KPTN: variants seen among roughly 807,000 people sequenced by gnomAD.
KPTN encodes the protein KICSTOR complex protein kaptin.
Under a neutral mutation model 52.6 loss-of-function variants are expected in KPTN, and 36 were observed. The observed-to-expected ratio is 0.68, with a 90% CI of 0.52 to 0.90. The LOEUF is 0.90. Ranked by LOEUF, KPTN falls within the 40% of genes least tolerant of loss-of-function variation. KPTN has a pLI of 0.00. For synonymous variants in KPTN, 271 were observed against 248.4 expected (o/e 1.09, Z -0.85); for missense variants, 529 against 576.2 (o/e 0.92, Z 0.84).
chr19:47,481,259 T>C (rs1967871125), intron 4 of KPTN, among the ~76,000 whole-genome samples: 1 of 152,178 alleles, frequency 6.6e-6, no homozygotes, highest in Non-Finnish European at 1.5e-5. Flanking sequence ...TCAAGGAATG[T>C]ACCTCCCAAT....
At chr19:47,481,419 A>G (rs1967875491) in intron 4 of KPTN, among the ~76,000 whole-genome samples, 1 of 152,164 alleles carries the variant, frequency 6.6e-6, no homozygotes, top group Non-Finnish European at 1.5e-5. Flanking sequence ...TCATTCTGAA[A>G]CCCTGGTATT....
rs760676917 is a variant in KPTN at position 47,480,332 on chromosome 19, A to AT, written c.674dup (p.Tyr225Ter). 1 of 1,537,422 alleles carries AT rather than the reference A, an allele frequency of 6.5e-7. No homozygotes were observed. Among genetic ancestry groups the AT allele is most frequent in the South Asian group, 1.2e-5 (1 of 83,652 alleles). ...GCTGGTCCACGTGGGCGACACGGAC[A>AT]TAACCACTCTGACAGCCCAGAGCTG... ...RLSALGCQSG[Y>*]VRVAHVDQRS... Residue 225 changes from tyrosine (Y) to a stop codon, truncating the protein, a stop_gained and frameshift_variant, in exon 7 of 12, where the codon TAT becomes TAAT. Coordinates refer to ENST00000338134, the MANE Select transcript of KPTN (RefSeq NM_007059.4). LOFTEE classifies it high-confidence loss of function.
intron 4 of KPTN, among the ~76,000 whole-genome samples, chr19:47,482,346 G>A (rs891575700): frequency 1.1e-4 from 16 of 151,994 alleles, no homozygotes; most frequent in Non-Finnish European, 1.9e-4. Flanking sequence ...AAAATTAGCC[G>A]GGCATGGTGG....
At position 47,481,031 on chromosome 19, in the gene KPTN, A is replaced by G. The variant is rs201572880; in HGVS notation, c.452T>C (p.Val151Ala). Residue 151 changes from valine to alanine, a missense_variant and splice_region_variant, in exon 5 of 12, where the codon GTC becomes GCC. Coordinates refer to ENST00000338134, the MANE Select transcript of KPTN (RefSeq NM_007059.4). ...FTPFQLCHAEVQVGDQLETVF... is the reference protein window; with the variant it reads ...FTPFQLCHAEAQVGDQLETVF... ...AGTCTCAAGTTGATCCCCGACCTGG[A>G]CCCTGAAAGCAGAGAAATCTAGAAC... 489 of 1,577,860 alleles carry G rather than the reference A, an allele frequency of 3.1e-4. 4 individuals are homozygous for G. Among genetic ancestry groups the G allele is most frequent in the Non-Finnish European group, 6.0e-5 (70 of 1,160,312 alleles).
At chr19:47,477,848 T>A in intron 8 of KPTN, 67 bp from the exon 9 acceptor site, 1 of 1,146,048 alleles carries the variant, frequency 8.7e-7, no homozygotes, top group Non-Finnish European at 1.3e-6. Flanking sequence ...TCAGCTGAGG[T>A]CAGGAGTTCG....
chr19:47,482,252 G>A (rs1335881102), intron 4 of KPTN, among the ~76,000 whole-genome samples: 2 of 152,204 alleles, frequency 1.3e-5, no homozygotes, highest in African/African-American at 4.8e-5. Flanking sequence ...ACTTTGGGAG[G>A]CCAAGGCGGG....
At chr19:47,476,007 C>CAAAAAAAAA (rs113284887) in intron 11 of KPTN, 1 of 83,110 alleles carries the variant, frequency 1.2e-5, no homozygotes. Context: ...ACAAAAAAAC[C>CAAAAAAAAA]AAAAAAAAAA....
chr19:47,476,269 A>C, intron 11 of KPTN: 1 of 255,526 alleles, frequency 3.9e-6, no homozygotes, highest in Non-Finnish European at 7.1e-6. Flanking sequence ...AGATCGAGTC[A>C]CTGCGCTAGA....
chr19:47,480,437 C>T lies in KPTN; in HGVS notation c.600-30G>A, dbSNP rs1418876299. ...CGGGCGGGTGGATGGACAGGACGGA[C>T]GGCCATTGCTGGGCCCAGCCCCGCC... On this transcript the variant is annotated intron_variant, in intron 6 of 11. Transcript: ENST00000338134. 4 of 1,481,412 alleles carry T rather than the reference C, an allele frequency of 2.7e-6. No individual in the cohort carries two copies. In the African/African-American group the frequency reaches 4.2e-5, roughly 15 times the overall value. 91.8% of individuals were successfully genotyped at this position (1,481,412 alleles called of 1,614,324 possible).
At chr19:47,480,667 T>A in intron 6 of KPTN, 93 bp downstream of exon 6, 1 of 1,184,798 alleles carries the variant, frequency 8.4e-7, no homozygotes, top group Admixed American at 1.7e-5. Flanking sequence ...TCTGAGCTCC[T>A]CCCCGGTGAC....
chr19:47,483,255 C>T (rs753441183), intron 3 of KPTN, 40 bp from the exon 4 acceptor site: 1 of 1,613,274 alleles, frequency 6.2e-7, no homozygotes, highest in African/African-American at 1.3e-5. Flanking sequence ...GGGGGACCTG[C>T]TGGGGACTCT....
intron 4 of KPTN, among the ~76,000 whole-genome samples, chr19:47,482,407 T>C (rs893356785): frequency 6.8e-6 from 1 of 146,590 alleles, no homozygotes; most frequent in Non-Finnish European, 1.5e-5. Flanking sequence ...TAGAATCACT[T>C]GAACCAGGGA....
In KPTN at chr19:47,476,737, C is replaced by T. The variant is rs760662478; in HGVS notation, c.1000-23G>A. ...TTCCTGCGGGGGTGAAGAATCAGGT[C>T]ACACAGGTTGATGGGGGGACAGTGG... On this transcript the variant is annotated intron_variant, in intron 10 of 11. Coordinates refer to ENST00000338134, the MANE Select transcript of KPTN (RefSeq NM_007059.4). The T allele has an allele frequency of 3.7e-6, 6 of 1,607,636 alleles. No homozygotes were observed. The Admixed American group carries it at 1.0e-4, about 27-fold the overall frequency.
chr19:47,477,302 C>A (rs957917364), intron 9 of KPTN, among the ~76,000 whole-genome samples: 1 of 152,212 alleles, frequency 6.6e-6, no homozygotes, highest in African/African-American at 2.4e-5. Flanking sequence ...GGTGCCAGAG[C>A]TGGCTATAGT....
At chr19:47,481,153 T>C in intron 4 of KPTN, 120 bp from the exon 5 acceptor site, 1 of 763,302 alleles carries the variant, frequency 1.3e-6, no homozygotes, top group South Asian at 1.5e-5. Flanking sequence ...ATCCAGACAC[T>C]AGACCCAGGG....
In KPTN at chr19:47,484,211, C is replaced by T; in HGVS notation, c.-51G>A. 3 of 1,552,752 alleles carry T rather than the reference C, an allele frequency of 1.9e-6. No homozygotes were observed. The highest frequency in any genetic ancestry group is 2.6e-6 in the Non-Finnish European group (3 of 1,154,460). On this transcript the variant is annotated 5_prime_UTR_variant, in exon 1 of 12. Coordinates refer to ENST00000338134, the MANE Select transcript of KPTN (RefSeq NM_007059.4). ...CAGCCCCCGCCCCAACCCGCACTAC[C>T]CAACCTACGACTCTCTAAGCGACCT...
intron 3 of KPTN, 36 bp from the exon 4 acceptor site, chr19:47,483,251 C>CCTGCTGGGGACTCT: frequency 6.2e-7 from 1 of 1,613,596 alleles, no homozygotes; most frequent in Non-Finnish European, 8.5e-7. Flanking sequence ...GCATGGGGGA[C>CCTGCTGGGGACTCT]CTGCTGGGGA....
Position 47,477,746 on chromosome 19 carries a change from C to T in KPTN, c.823G>A (p.Val275Met), listed in dbSNP as rs373073023. Residue 275 changes from valine (V) to methionine (M), a missense_variant, in exon 9 of 12, where the codon GTG becomes ATG. Val to Met is a conservative substitution (Grantham distance 21). Coordinates refer to ENST00000338134, the MANE Select transcript of KPTN (RefSeq NM_007059.4). ...KDRPLQDEYS[V>M]LVASMLEPAV... The stretch of plus-strand genomic sequence containing the variant: ...GGCTCCAACATGCTGGCCACGAGCA[C>T]GCTGTACTCATCTTGTAGTGGCCTG... 117 of 1,613,656 alleles carry T rather than the reference C, an allele frequency of 7.3e-5. No homozygotes were observed. The highest frequency in any genetic ancestry group is 1.6e-4 in the Middle Eastern group (1 of 6,082).
chr19:47,480,342 T>TG lies in KPTN; in HGVS notation c.664dup (p.Gln222ProfsTer51). On this transcript the variant is annotated frameshift_variant, in exon 7 of 12. Coordinates refer to ENST00000338134, the MANE Select transcript of KPTN (RefSeq NM_007059.4). LOFTEE classifies it high-confidence loss of function. ...GTGGGCGACACGGACATAACCACTC[T>TG]GACAGCCCAGAGCTGAGAGGCGCCG... The TG allele has an allele frequency of 6.5e-7, 1 of 1,530,432 alleles. No homozygotes were observed. 94.8% of individuals were successfully genotyped at this position (1,530,432 alleles called of 1,614,324 possible). A position where few individuals can be genotyped will look rare whatever the true frequency, so the allele number is the denominator to read the frequency against.
Sources: allele counts gnomAD v4.1 joint callset (sites outside exome capture counted in the v4.1 genomes callset), GRCh38; gene constraint gnomAD v4.1.1; transcripts MANE v1.5; gene names NCBI Gene and HGNC (gene_info 2026-07-23, HGNC 2026-07-21).